Variants in DRGX observed in about 807,000 individuals in gnomAD.
DRGX encodes dorsal root ganglia homeobox protein.
In DRGX, 21 loss-of-function variants were observed where a neutral mutation model predicts 28.6. The observed-to-expected ratio is 0.73, with a 90% confidence interval of 0.52 to 1.06. The LOEUF (loss-of-function observed/expected upper bound fraction) is 1.06, where lower values mean the gene tolerates loss of function less well. Ranked by LOEUF, DRGX falls within the 50% of genes least tolerant of loss-of-function variation. The pLI is 0.00. For synonymous variants in DRGX, 136 were observed against 139.1 expected (o/e 0.98, Z 0.16); for missense variants, 354 against 343.9 (o/e 1.03, Z -0.23).
intron 4 of DRGX, among the ~76,000 whole-genome samples, chr10:49,388,430 A>G (rs942975389): frequency 2.6e-5 from 4 of 152,128 alleles, no homozygotes; most frequent in Non-Finnish European, 5.9e-5. Flanking sequence ...GGCCCACCCT[A>G]TCTCTTAACT....
chr10:49,366,154 G>C lies in DRGX; in HGVS notation c.754C>G (p.Pro252Ala), dbSNP rs764665485. ...TCTGCCTCGCTCTGTTCCTTGGTGGGAGAGGTCTTTTCCTGGCTGCCATCT... is the reference window on the plus strand; with the variant it reads ...TCTGCCTCGCTCTGTTCCTTGGTGGCAGAGGTCTTTTCCTGGCTGCCATCT... ...PPDGSQEKTS[P>A]TKEQSEAEKS... is the part of the protein sequence containing the mutation. Residue 252 changes from proline to alanine, a missense_variant, in exon 7 of 7, where the codon CCC becomes GCC. Physicochemically the swap from Pro to Ala is conservative, Grantham distance 27. Coordinates refer to ENST00000374139, the MANE Select transcript of DRGX (RefSeq NM_001276451.2). 4 of 1,610,164 alleles carry C rather than the reference G, an allele frequency of 2.5e-6. 1 individual carries two copies. The South Asian group carries it at 4.4e-5, about 18-fold the overall frequency.
chr10:49,391,361 G>A lies in DRGX; in HGVS notation c.35-100C>T, dbSNP rs996299121. Reference sequence around the variant, plus strand: ...GGGCACCCACCTGACCCACCAGACAGGAAGCCCTGTTTGTCCCAAAGGATA... The same window carrying A: ...GGGCACCCACCTGACCCACCAGACAAGAAGCCCTGTTTGTCCCAAAGGATA... On this transcript the variant is annotated intron_variant, in intron 2 of 6. Transcript: ENST00000374139. 3.4e-5 allele frequency: 30 copies of A among 870,262 alleles called. No homozygotes were observed. In the African/African-American group the frequency reaches 4.4e-4, roughly 13 times the overall value. 53.9% of individuals were successfully genotyped at this position (870,262 alleles called of 1,614,324 possible). A position where few individuals can be genotyped will look rare whatever the true frequency, so the allele number is the denominator to read the frequency against.
intron 6 of DRGX, among the ~76,000 whole-genome samples, chr10:49,380,044 G>C (rs1040786279): frequency 6.6e-6 from 1 of 152,216 alleles, no homozygotes; most frequent in African/African-American, 2.4e-5. Context: ...TGACTCTAGG[G>C]AACCACGCTG....
chr10:49,395,220 G>C (rs1026017840), intron 2 of DRGX, among the ~76,000 whole-genome samples, 187 bp downstream of exon 2: 1 of 152,124 alleles, frequency 6.6e-6, no homozygotes, highest in Non-Finnish European at 1.5e-5. Flanking sequence ...AGGTGGCGAC[G>C]GGGCGGGGAG....
intron 6 of DRGX, among the ~76,000 whole-genome samples, chr10:49,375,404 A>G (rs951245324): frequency 4.6e-5 from 7 of 152,220 alleles, no homozygotes; most frequent in African/African-American, 7.2e-5. Context: ...GAGTTGGCAC[A>G]TTTTAGTTCT....
chr10:49,373,509 G>T (rs1303945025), intron 6 of DRGX, among the ~76,000 whole-genome samples: 1 of 152,136 alleles, frequency 6.6e-6, no homozygotes, highest in Non-Finnish European at 1.5e-5. Context: ...TGGGAGGTGG[G>T]GCTTTTGGAA....
intron 6 of DRGX, among the ~76,000 whole-genome samples, chr10:49,383,040 G>A (rs925579654): frequency 6.6e-6 from 1 of 152,142 alleles, no homozygotes; most frequent in African/African-American, 2.4e-5. Flanking sequence ...CACCTCCAAG[G>A]GCAAGGCAGG....
At position 49,390,202 on chromosome 10, in the gene DRGX, T is replaced by C. The variant is rs1018548999; in HGVS notation, c.165A>G (p.Thr55=). The C allele has an allele frequency of 4.3e-6, 7 of 1,612,588 alleles. No homozygotes were observed. Among genetic ancestry groups the C allele is most frequent in the Non-Finnish European group, 5.9e-6 (7 of 1,179,402 alleles). Residue 55 remains threonine (T), a synonymous_variant, in exon 4 of 7, where the codon ACA becomes ACG. Transcript: ENST00000374139. ...CTCTGGTGAAGACATCTGGATAGTG[T>C]GTTTGGGCAAAAACGGCCTCGAGAG... is the stretch of plus-strand genomic sequence containing the variant. ...LEALEAVFAQ[T]HYPDVFTREE... is the part of the protein sequence containing the mutation.
chr10:49,380,739 A>T (rs1028538483), intron 6 of DRGX, among the ~76,000 whole-genome samples: 1 of 152,226 alleles, frequency 6.6e-6, no homozygotes, highest in Non-Finnish European at 1.5e-5. Flanking sequence ...GGTAAATTTC[A>T]GTAGCAATAA....
chr10:49,366,701 A>C (rs184054189), intron 6 of DRGX, among the ~76,000 whole-genome samples: 144 of 152,304 alleles, frequency 9.5e-4, no homozygotes, highest in African/African-American at 3.1e-3. Flanking sequence ...TAATACCTAC[A>C]TTGCAGGATT....
Position 49,379,020 on chromosome 10 carries a change from G to A in DRGX, c.526+7458C>T, listed in dbSNP as rs575376055. ...ATCTAGAACTTTTGCATGCTAACATGACACACAAATAAAATGCTCATTGGA... is the reference window on the plus strand; with the variant it reads ...ATCTAGAACTTTTGCATGCTAACATAACACACAAATAAAATGCTCATTGGA... On this transcript the variant is annotated intron_variant, in intron 6 of 6. Transcript: ENST00000374139. Among the ~76,000 whole-genome samples, 3 of 152,268 alleles carry A rather than the reference G, an allele frequency of 2.0e-5. No individual in the cohort carries two copies. The South Asian group carries it at 6.2e-4, about 32-fold the overall frequency.
At chr10:49,371,791 C>CAAAA (rs563658320) in intron 6 of DRGX, among the ~76,000 whole-genome samples, 1,520 of 45,446 alleles carry the variant, frequency 0.033, 113 homozygotes, top group Middle Eastern at 0.093. Flanking sequence ...GACTCCATCT[C>CAAAA]AAAAAAAAAA....
chr10:49,392,099 C>T (rs539088612), intron 2 of DRGX, among the ~76,000 whole-genome samples: 4 of 152,376 alleles, frequency 2.6e-5, no homozygotes, highest in Admixed American at 1.3e-4. Flanking sequence ...GCATTCAGAT[C>T]ATTTTCCAAA....
rs1019386263 is a variant in DRGX at position 49,386,961 on chromosome 10, C to G, written c.235-103G>C. The G allele has an allele frequency of 1.4e-5, 19 of 1,325,820 alleles. No individual in the cohort carries two copies. In the South Asian group the frequency reaches 3.0e-4, roughly 21 times the overall value. 82.1% of individuals were successfully genotyped at this position (1,325,820 alleles called of 1,614,324 possible). On this transcript the variant is annotated intron_variant, in intron 4 of 6. Transcript: ENST00000374139. ...CACTCACAGCTCACCCTGCAGCCTC[C>G]TCTCCACACCATGCCCTCTGAACTG...
chr10:49,389,689 G>A (rs1336087917), intron 4 of DRGX, among the ~76,000 whole-genome samples: 4 of 152,162 alleles, frequency 2.6e-5, no homozygotes, highest in East Asian at 3.8e-4. Context: ...TCTGAGGGCA[G>A]GGGAAAAGTT....
At chr10:49,366,707 G>A (rs1342091875) in intron 6 of DRGX, among the ~76,000 whole-genome samples, 1 of 152,160 alleles carries the variant, frequency 6.6e-6, no homozygotes, top group Non-Finnish European at 1.5e-5. Context: ...CTACATTGCA[G>A]GATTATAAGG....
intron 4 of DRGX, among the ~76,000 whole-genome samples, chr10:49,389,168 T>C (rs1849871736): frequency 6.6e-6 from 1 of 152,232 alleles, no homozygotes; most frequent in Admixed American, 6.5e-5. Flanking sequence ...CAATGATTCA[T>C]GTTCAGATTT....
At chr10:49,395,328 C>G in intron 2 of DRGX, 79 bp downstream of exon 2, 1 of 1,527,428 alleles carries the variant, frequency 6.5e-7, no homozygotes, top group South Asian at 1.2e-5. Flanking sequence ...ACCCAGCCAC[C>G]CACCAGCCCT....
Position 49,366,224 on chromosome 10 carries a change from A to G in DRGX, c.684T>C (p.Pro228=), listed in dbSNP as rs761847176. 1 of 1,613,810 alleles carries G rather than the reference A, an allele frequency of 6.2e-7. No homozygotes were observed. Among genetic ancestry groups the G allele is most frequent in the South Asian group, 1.1e-5 (1 of 91,078 alleles). Residue 228 remains proline (P), a synonymous_variant, in exon 7 of 7, where the codon CCT becomes CCC. Transcript: ENST00000374139. ...EAVLQSANLL[P]STSSSPGPVA... ...CAGGGCCGGGGCTGCTGCTGGTGGA[A>G]GGCAGGAGGTTGGCTGACTGCAGGA... is the stretch of plus-strand genomic sequence containing the variant.
Sources: gnomAD v4.1 joint callset for allele counts (sites outside exome capture counted in the v4.1 genomes callset) on GRCh38, gnomAD v4.1.1 for gene constraint, MANE v1.5 for transcripts, NCBI Gene and HGNC (gene_info 2026-07-23, HGNC 2026-07-21) for gene names.